The following FBP2 variants were observed in gnomAD, a reference collection of about 807,000 sequenced individuals.
FBP2 encodes the protein fructose-bisphosphatase 2.
Under a neutral mutation model 31.6 loss-of-function variants are expected in FBP2, and 27 were observed. The ratio of observed to expected loss-of-function variants is 0.85; its 90% CI spans 0.63 to 1.18. The LOEUF is 1.18. Among genes scored for constraint, FBP2 ranks in the 50% most tolerant of loss-of-function variants. The pLI is 0.00. For synonymous variants in FBP2, 168 were observed against 179.8 expected (o/e 0.93, Z 0.53); for missense variants, 421 against 436.1 (o/e 0.97, Z 0.31).
intron 6 of FBP2, among the ~76,000 whole-genome samples, chr9:94,559,749 C>T (rs1386684888): frequency 6.6e-6 from 1 of 152,172 alleles, no homozygotes; most frequent in Non-Finnish European, 1.5e-5. Context: ...TGGTACCACT[C>T]ATCACACTGA....
chr9:94,569,844 C>T (rs1403311619), intron 4 of FBP2: 2 of 152,234 alleles, frequency 1.3e-5, no homozygotes, highest in Non-Finnish European at 2.9e-5. Context: ...GCCCTGCAAT[C>T]CCACAGACCT....
chr9:94,570,288 G>A (rs1827253586), intron 4 of FBP2: 1 of 152,208 alleles, frequency 6.6e-6, no homozygotes, highest in Non-Finnish European at 1.5e-5. Flanking sequence ...GAGCAGTTGT[G>A]TTGGAAATTT....
At chr9:94,582,362 G>A (rs917833804) in intron 3 of FBP2, among the ~76,000 whole-genome samples, 4 of 144,586 alleles carry the variant, frequency 2.8e-5, no homozygotes, top group African/African-American at 1.1e-4. Flanking sequence ...GTGTGTGTGT[G>A]TGTGTGTGTG....
At chr9:94,563,307 A>C (rs1391954437) in intron 6 of FBP2, 35 bp downstream of exon 6, 2 of 1,609,002 alleles carry the variant, frequency 1.2e-6, no homozygotes, top group Non-Finnish European at 1.7e-6. Flanking sequence ...CACCTCCCTG[A>C]CCGGATGCAC....
At chr9:94,588,780 A>C (rs889141877) in intron 1 of FBP2, among the ~76,000 whole-genome samples, 2 of 152,072 alleles carry the variant, frequency 1.3e-5, no homozygotes, top group Non-Finnish European at 2.9e-5. Flanking sequence ...AGTCCCCGCA[A>C]GTGGGTGTCA....
At position 94,565,385 on chromosome 9, in the gene FBP2, A is replaced by AAAAAAAAAG. The variant is rs773350863; in HGVS notation, c.705+1884_705+1885insCTTTTTTTT. Among the ~76,000 whole-genome samples, 4 of 134,916 alleles carry AAAAAAAAAG rather than the reference A, an allele frequency of 3.0e-5. 2 individuals are homozygous for AAAAAAAAAG. The highest frequency in any genetic ancestry group is 1.6e-4 in the Admixed American group (2 of 12,778). The allele number at this position is 134,916 out of a possible 152,430, so 88.5% of individuals were successfully genotyped here. A position where few individuals can be genotyped will look rare whatever the true frequency, so the allele number is the denominator to read the frequency against. ...CTCCACCTCAAAAAAAAAAAAAAAA[A>AAAAAAAAAG]AGATGTTCCCAGTGGGGTTTTTGAG... is the stretch of plus-strand genomic sequence containing the variant. On this transcript the variant is annotated intron_variant, in intron 5 of 6. Transcript: ENST00000375337.
rs757198213 is a variant in FBP2 at position 94,567,359 on chromosome 9, T to C, written c.616A>G (p.Lys206Glu). ...LVEKDVKIKKKGKIYSLNEGY... is the reference protein window; with the variant it reads ...LVEKDVKIKKEGKIYSLNEGY... ...TCATTCAGGCTGTAAATCTTTCCTT[T>C]CTTCTTAATCTTGACATCTTTTTCC... Residue 206 changes from lysine to glutamate, a missense_variant, in exon 5 of 7, where the codon AAA (lysine) becomes GAA (glutamate). By Grantham distance (56) the Lys-to-Glu change is moderately conservative (BLOSUM62 1). Transcript: ENST00000375337. 2 of 1,614,148 alleles carry C rather than the reference T, an allele frequency of 1.2e-6. No individual in the cohort carries two copies. Among genetic ancestry groups the C allele is most frequent in the South Asian group, 2.2e-5 (2 of 91,080 alleles).
chr9:94,590,678 G>A (rs1183772838), intron 1 of FBP2, among the ~76,000 whole-genome samples: 1 of 152,198 alleles, frequency 6.6e-6, no homozygotes, highest in East Asian at 1.9e-4. Context: ...AGAGTGAGCA[G>A]CAGCAAGAGC....
chr9:94,571,733 A>G (rs1827272479), intron 3 of FBP2, 131 bp from the exon 4 acceptor site: 3 of 817,056 alleles, frequency 3.7e-6, no homozygotes, highest in Middle Eastern at 3.1e-4. Context: ...AGCTGCTGCA[A>G]ATCCATCCAG....
intron 3 of FBP2, among the ~76,000 whole-genome samples, chr9:94,575,660 T>C (rs994425387): frequency 8.5e-5 from 13 of 152,176 alleles, no homozygotes; most frequent in Admixed American, 6.5e-5. Flanking sequence ...TGTGTAAATA[T>C]CTGTTTAGCA....
intron 1 of FBP2, among the ~76,000 whole-genome samples, chr9:94,589,523 A>C (rs1367610204): frequency 6.6e-6 from 1 of 152,236 alleles, no homozygotes; most frequent in Non-Finnish European, 1.5e-5. Flanking sequence ...CCAGACACAC[A>C]GCCCATGCTC....
At chr9:94,582,041 A>G (rs1478294635) in intron 3 of FBP2, among the ~76,000 whole-genome samples, 1 of 152,144 alleles carries the variant, frequency 6.6e-6, no homozygotes, top group Non-Finnish European at 1.5e-5. Context: ...TCAGCTGACT[A>G]ACTCACCCCC....
rs185834430 is a variant in FBP2, at chr9:94,563,411, G to A, written c.756C>T (p.Asp252=). The A allele has an allele frequency of 5.1e-5, 83 of 1,614,032 alleles. No individual in the cohort carries two copies. The East Asian group carries it at 1.3e-3, about 25-fold the overall frequency. ...CTCCATAGACCAGGGTGCGGTGCAC[G>A]TCAGCCACCATGGAGCCCACATACC... ...GARYVGSMVA[D]VHRTLVYGGI... is the part of the protein sequence containing the mutation. Residue 252 remains aspartate, a synonymous_variant, in exon 6 of 7, where the codon GAC becomes GAT. Transcript: ENST00000375337.
intron 1 of FBP2, among the ~76,000 whole-genome samples, chr9:94,588,459 A>C (rs1055535098): frequency 4.6e-5 from 7 of 151,998 alleles, no homozygotes; most frequent in East Asian, 2.0e-4. Context: ...CTGTCTTTAC[A>C]AAAAAATACA....
At position 94,593,664 on chromosome 9, in the gene FBP2, CT is replaced by C; in HGVS notation, c.62del (p.Lys21ArgfsTer15). 6.2e-7 allele frequency: 1 copy of C among 1,614,254 alleles called. No individual in the cohort carries two copies. The highest frequency in any genetic ancestry group is 8.5e-7 in the Non-Finnish European group (1 of 1,180,042). On this transcript the variant is annotated frameshift_variant, in exon 1 of 7. Transcript: ENST00000375337. LOFTEE classifies it high-confidence loss of function. ...CCCCAGTCCCTTTGGCCTGACGCCCCTTTTCCATAACGTAGCGGGTCAGGGT... is the reference window on the plus strand; with the variant it reads ...CCCCAGTCCCTTTGGCCTGACGCCCCTTTCCATAACGTAGCGGGTCAGGGT... ...MLTLTRYVME[K>X]GRQAKGTGEL...
chr9:94,566,052 T>G (rs903034524), intron 5 of FBP2, among the ~76,000 whole-genome samples: 2 of 152,254 alleles, frequency 1.3e-5, no homozygotes, highest in African/African-American at 4.8e-5. Context: ...CTCCACCACA[T>G]GAATGCTCCT....
chr9:94,573,205 G>T (rs1827286407), intron 3 of FBP2, among the ~76,000 whole-genome samples: 1 of 152,154 alleles, frequency 6.6e-6, no homozygotes, highest in Non-Finnish European at 1.5e-5. Context: ...AATGCTAGCT[G>T]TAGATGTACT....
At chr9:94,563,108 G>T (rs533027526) in intron 6 of FBP2, among the ~76,000 whole-genome samples, 5 of 152,164 alleles carry the variant, frequency 3.3e-5, no homozygotes, top group Admixed American at 6.5e-5. Context: ...GAGGCTGGAG[G>T]GGGTAAGACC....
At chr9:94,586,357 C>T (rs1014307617) in intron 2 of FBP2, among the ~76,000 whole-genome samples, 6 of 151,866 alleles carry the variant, frequency 4.0e-5, no homozygotes, top group African/African-American at 9.7e-5. Flanking sequence ...CCTGTCCAGC[C>T]GGGCAGTAGA....
Sources: gnomAD v4.1 joint callset for allele counts (sites outside exome capture counted in the v4.1 genomes callset) on GRCh38, gnomAD v4.1.1 for gene constraint, MANE v1.5 for transcripts, NCBI Gene and HGNC (gene_info 2026-07-23, HGNC 2026-07-21) for gene names.